The following TTC7B variants were observed in gnomAD, a reference collection of about 807,000 sequenced individuals.
TTC7B encodes tetratricopeptide repeat protein 7B.
TTC7B carries 28 observed loss-of-function variants against 106.8 expected under a neutral mutation model. The observed-to-expected ratio is 0.26, with a 90% CI of 0.19 to 0.36. The LOEUF (loss-of-function observed/expected upper bound fraction) is 0.36, where lower values mean the gene tolerates loss of function less well. Among genes scored for constraint, TTC7B ranks in the 10% least tolerant of loss-of-function variants. The pLI, the probability that TTC7B is intolerant of heterozygous loss-of-function variation, is 1.00. For synonymous variants in TTC7B, 405 were observed against 430.6 expected (o/e 0.94, Z 0.74); for missense variants, 862 against 1,076.4 (o/e 0.80, Z 2.79).
At chr14:90,594,372 T>G (rs1892114302) in intron 17 of TTC7B, among the ~76,000 whole-genome samples, 1 of 151,866 alleles carries the variant, frequency 6.6e-6, no homozygotes, top group Non-Finnish European at 1.5e-5. Context: ...TAGTCAAGGG[T>G]TGGGGGAGTG....
intron 5 of TTC7B, among the ~76,000 whole-genome samples, chr14:90,701,986 A>G (rs540307777): frequency 6.6e-6 from 1 of 152,026 alleles, no homozygotes; most frequent in Non-Finnish European, 1.5e-5. Context: ...TCCTCAACCT[A>G]ATAATACTTA....
chr14:90,635,487 G>A (rs557128740), intron 15 of TTC7B, among the ~76,000 whole-genome samples: 8 of 152,156 alleles, frequency 5.3e-5, no homozygotes, highest in East Asian at 3.9e-4. Context: ...TAGGCCGGGC[G>A]CAGTGGTTCA....
chr14:90,576,189 TC>T (rs1376428990), intron 19 of TTC7B, among the ~76,000 whole-genome samples: 1 of 152,118 alleles, frequency 6.6e-6, no homozygotes, highest in Non-Finnish European at 1.5e-5. Context: ...TAATTCATAG[TC>T]CCCGAGATGG....
At chr14:90,670,649 T>C (rs934100393) in intron 9 of TTC7B, among the ~76,000 whole-genome samples, 2 of 152,150 alleles carry the variant, frequency 1.3e-5, no homozygotes, top group African/African-American at 4.8e-5. Flanking sequence ...AGGACCACGT[T>C]AAGAAAGCAA....
intron 19 of TTC7B, among the ~76,000 whole-genome samples, chr14:90,558,532 C>T (rs1297443897): frequency 6.6e-6 from 1 of 152,250 alleles, no homozygotes; most frequent in Admixed American, 6.5e-5. Context: ...CCCATCACTG[C>T]CAGGGTTTGG....
intron 9 of TTC7B, among the ~76,000 whole-genome samples, chr14:90,673,639 G>C (rs1886715736): frequency 6.6e-6 from 1 of 152,162 alleles, no homozygotes; most frequent in Non-Finnish European, 1.5e-5. Context: ...TTAAAATCCA[G>C]TTATCCTCAC....
At chr14:90,675,204 A>G (rs941201047) in intron 9 of TTC7B, 1 of 152,282 alleles carries the variant, frequency 6.6e-6, no homozygotes, top group Non-Finnish European at 1.5e-5. Flanking sequence ...CAACATTGCT[A>G]CCCAATAGGA....
At chr14:90,761,277 G>C (rs12436836) in intron 3 of TTC7B, among the ~76,000 whole-genome samples, 41,858 of 151,582 alleles carry the variant, frequency 0.28, 9,510 homozygotes, top group African/African-American at 0.63. Context: ...GCAACTTCCC[G>C]AATTACTCCT....
chr14:90,651,781 G>A (rs570720908), intron 13 of TTC7B, among the ~76,000 whole-genome samples: 1 of 152,114 alleles, frequency 6.6e-6, no homozygotes, highest in Non-Finnish European at 1.5e-5. Context: ...GAAATGAGAC[G>A]GAAGAGTTTC....
chr14:90,552,223 G>A (rs1890114687), intron 19 of TTC7B, among the ~76,000 whole-genome samples: 1 of 152,204 alleles, frequency 6.6e-6, no homozygotes, highest in South Asian at 2.1e-4. Context: ...GGACTCACAC[G>A]CTGCCACTCA....
chr14:90,591,936 GT>G (rs1891976613), intron 18 of TTC7B, among the ~76,000 whole-genome samples: 1 of 152,206 alleles, frequency 6.6e-6, no homozygotes, highest in East Asian at 1.9e-4. Context: ...TGCTGCAGGC[GT>G]CTGCAGCAGA....
chr14:90,568,004 G>A (rs79084252), intron 19 of TTC7B, among the ~76,000 whole-genome samples: 2,318 of 152,284 alleles, frequency 0.015, 64 homozygotes, highest in African/African-American at 0.053. Flanking sequence ...GAGCCCCCGA[G>A]CCCTCAATGG....
Position 90,624,543 on chromosome 14 carries a change from C to A in TTC7B, c.1752-6498G>T, listed in dbSNP as rs1488523661. On this transcript the variant is annotated intron_variant, in intron 15 of 19. Coordinates refer to ENST00000328459, the MANE Select transcript of TTC7B (RefSeq NM_001010854.2). This position sits in a 1 kb window ranked among gnomAD's most constrained non-coding sequence, Gnocchi z 4.0. ...AGTTTAGTTTTAGCCTTGGCCCCAC[C>A]CCAGTGAGTCCCAGACTTGGGCAGG... is the stretch of plus-strand genomic sequence containing the variant. Among the ~76,000 whole-genome samples the A allele has an allele frequency of 6.6e-6, 1 of 152,174 alleles. No individual in the cohort carries two copies. Among genetic ancestry groups the A allele is most frequent in the African/African-American group, 2.4e-5 (1 of 41,438 alleles).
intron 1 of TTC7B, among the ~76,000 whole-genome samples, chr14:90,790,092 G>C (rs1431925009): frequency 6.6e-6 from 1 of 151,996 alleles, no homozygotes; most frequent in African/African-American, 2.4e-5. Flanking sequence ...ATATTGGACA[G>C]CAATATGATC....
intron 15 of TTC7B, among the ~76,000 whole-genome samples, chr14:90,638,215 A>G (rs149298683): frequency 7.2e-5 from 11 of 152,354 alleles, no homozygotes; most frequent in African/African-American, 2.6e-4. Flanking sequence ...AAACATTGAA[A>G]GAATTTTCTC....
At chr14:90,699,497 TA>T (rs1163850979) in intron 5 of TTC7B, 1 of 316,640 alleles carries the variant, frequency 3.2e-6, no homozygotes, top group Non-Finnish European at 6.1e-6. Flanking sequence ...CCAATACACT[TA>T]AATTCAATAT....
At chr14:90,574,612 T>C (rs889701923) in intron 19 of TTC7B, among the ~76,000 whole-genome samples, 2 of 152,240 alleles carry the variant, frequency 1.3e-5, no homozygotes, top group African/African-American at 4.8e-5. Flanking sequence ...AAGTCACTCT[T>C]GCTTTTTAAC....
intron 3 of TTC7B, among the ~76,000 whole-genome samples, chr14:90,749,533 G>A (rs886312603): frequency 1.3e-5 from 2 of 150,972 alleles, no homozygotes; most frequent in African/African-American, 4.9e-5. Flanking sequence ...AGCCTCCCGA[G>A]TAGCTGGGAT....
At chr14:90,556,536 A>G (rs1315103133) in intron 19 of TTC7B, among the ~76,000 whole-genome samples, 3 of 152,048 alleles carry the variant, frequency 2.0e-5, no homozygotes, top group Non-Finnish European at 4.4e-5. Flanking sequence ...ACTTATTTCT[A>G]CATTTCCCTG....
Sources: allele counts gnomAD v4.1 joint callset (sites outside exome capture counted in the v4.1 genomes callset), GRCh38; gene constraint gnomAD v4.1.1; non-coding constraint Gnocchi (gnomAD v3.1); transcripts MANE v1.5; gene names NCBI Gene and HGNC (gene_info 2026-07-23, HGNC 2026-07-21).